RPN2: variants seen among roughly 807,000 people sequenced by gnomAD.
RPN2 encodes the protein dolichyl-diphosphooligosaccharide--protein glycosyltransferase subunit 2.
In RPN2, 29 loss-of-function variants were observed where a neutral mutation model predicts 71.4. That is an observed-to-expected ratio of 0.41 (90% CI 0.30 to 0.55). The LOEUF (loss-of-function observed/expected upper bound fraction) is 0.55. Ranked by LOEUF, RPN2 falls within the 20% of genes least tolerant of loss-of-function variation. The probability of loss-of-function intolerance (pLI) is 0.35; values close to 1 mark genes in which losing one functional copy is unlikely to be tolerated. For synonymous variants in RPN2, 308 were observed against 305.0 expected, an observed-to-expected ratio of 1.01 and a Z score of -0.10; for missense variants, 726 against 774.1, an observed-to-expected ratio of 0.94 and a Z score of 0.74.
chr20:37,183,154 A>G (rs532463127), intron 1 of RPN2, among the ~76,000 whole-genome samples: 4 of 152,316 alleles, frequency 2.6e-5, no homozygotes, highest in South Asian at 4.1e-4. Context: ...CAACAATAAT[A>G]ATAGTAGTAG....
intron 2 of RPN2, among the ~76,000 whole-genome samples, chr20:37,194,668 C>T (rs2067216315): frequency 6.6e-6 from 1 of 152,162 alleles, no homozygotes; most frequent in South Asian, 2.1e-4. Context: ...GTGTACAAAG[C>T]CTGGAGGCTT....
chr20:37,238,501 G>A, intron 16 of RPN2: 1 of 1,300,258 alleles, frequency 7.7e-7, no homozygotes, highest in Non-Finnish European at 1.1e-6. Context: ...TCCCCGTCTT[G>A]CCCGCCTCAT....
intron 4 of RPN2, 48 bp downstream of exon 4, chr20:37,199,273 C>G: frequency 1.2e-6 from 2 of 1,605,216 alleles, no homozygotes; most frequent in Non-Finnish European, 1.7e-6. Context: ...GTCTCGGGTC[C>G]TATCCGAAGA....
chr20:37,236,118 C>G (rs575829976), intron 15 of RPN2, among the ~76,000 whole-genome samples: 1 of 61,390 alleles, frequency 1.6e-5, no homozygotes, highest in Non-Finnish European at 3.8e-5. Flanking sequence ...TGTTTTGAGA[C>G]GAGGTATCAC....
intron 15 of RPN2, 68 bp downstream of exon 15, chr20:37,234,163 T>C (rs2068322235): frequency 6.7e-7 from 1 of 1,488,442 alleles, no homozygotes; most frequent in African/African-American, 1.4e-5. Flanking sequence ...GCAAAAGCCC[T>C]GTTAAGTAGA....
intron 9 of RPN2, among the ~76,000 whole-genome samples, chr20:37,219,621 A>G (rs924235419): frequency 2.0e-5 from 3 of 152,220 alleles, no homozygotes; most frequent in Non-Finnish European, 4.4e-5. Flanking sequence ...TTTAGGTGTC[A>G]TGTCTAAGAT....
At chr20:37,232,250 C>T (rs1217325693) in intron 13 of RPN2, 46 bp from the exon 14 acceptor site, 1 of 1,610,938 alleles carries the variant, frequency 6.2e-7, no homozygotes, top group African/African-American at 1.3e-5. Flanking sequence ...GCTGCCCCTA[C>T]TGGGAAGGGC....
chr20:37,182,601 G>A (rs1003643377), intron 1 of RPN2, among the ~76,000 whole-genome samples: 13 of 152,068 alleles, frequency 8.5e-5, no homozygotes, highest in African/African-American at 2.2e-4. Flanking sequence ...TCGCCATGTC[G>A]CCTGGTCTAG....
At chr20:37,192,774 G>A (rs1437207686) in intron 2 of RPN2, among the ~76,000 whole-genome samples, 4 of 152,168 alleles carry the variant, frequency 2.6e-5, no homozygotes, top group Admixed American at 2.0e-4. Flanking sequence ...TTTTATAGGG[G>A]TAGAATAGGG....
chr20:37,236,657 A>T lies in RPN2; in HGVS notation c.1831A>T (p.Ser611Cys). 6.2e-7 allele frequency: 1 copy of T among 1,614,146 alleles called. No individual in the cohort carries two copies. Among genetic ancestry groups the T allele is most frequent in the Non-Finnish European group, 8.5e-7 (1 of 1,179,958 alleles). ...CTTGAAGTACCTGGCCATCCTGGGC[A>T]GTGTGACGTTTCTGGCTGGCAATCG... ...QTLKYLAILG[S>C]VTFLAGNRML... The change falls in exon 16 of 17, where the codon AGT becomes TGT. Residue 611 changes from serine to cysteine, a missense_variant. Coordinates refer to ENST00000237530, the MANE Select transcript of RPN2 (RefSeq NM_002951.5).
At chr20:37,186,135 G>C (rs1244892330) in intron 2 of RPN2, among the ~76,000 whole-genome samples, 5 of 152,162 alleles carry the variant, frequency 3.3e-5, no homozygotes, top group Non-Finnish European at 7.3e-5. Flanking sequence ...TTCCTCTTCA[G>C]CCACCAGCCA....
At chr20:37,198,631 T>C in intron 3 of RPN2, 139 bp downstream of exon 3, 1 of 1,465,052 alleles carries the variant, frequency 6.8e-7, no homozygotes, top group Non-Finnish European at 9.0e-7. Flanking sequence ...TGTGATTTTT[T>C]TTTTCCTTAA....
At position 37,232,409 on chromosome 20, in the gene RPN2, G is replaced by A. The variant is rs2068276357; in HGVS notation, c.1677+18G>A. Reference sequence around the variant, plus strand: ...TCGCTCTGGTGAGTGGCTGTAATTAGCGTGGGCAGCATGCGTCTGGCGCCA... The same window carrying A: ...TCGCTCTGGTGAGTGGCTGTAATTAACGTGGGCAGCATGCGTCTGGCGCCA... On this transcript the variant is annotated intron_variant, in intron 14 of 16. Coordinates refer to ENST00000237530, the MANE Select transcript of RPN2 (RefSeq NM_002951.5). The A allele has an allele frequency of 1.2e-6, 2 of 1,613,948 alleles. No homozygotes were observed. The highest frequency in any genetic ancestry group is 1.1e-5 in the South Asian group (1 of 91,088).
chr20:37,226,997 G>T (rs907120247), intron 11 of RPN2, among the ~76,000 whole-genome samples: 2 of 152,380 alleles, frequency 1.3e-5, no homozygotes, highest in Admixed American at 6.5e-5. Flanking sequence ...GAGGCAACTG[G>T]ATTTACTTGA....
chr20:37,216,939 C>CTTTCT, intron 9 of RPN2, among the ~76,000 whole-genome samples: 1 of 149,002 alleles, frequency 6.7e-6, no homozygotes, highest in Non-Finnish European at 1.5e-5. Context: ...CTTTTTCTTT[C>CTTTCT]TTTTTTTTTG....
At chr20:37,236,824 GAC>G (rs879838475) in intron 16 of RPN2, 115 bp downstream of exon 16, 3 of 1,049,574 alleles carry the variant, frequency 2.9e-6, no homozygotes, top group Non-Finnish European at 4.4e-6. Context: ...GGGCAAGTCT[GAC>G]ACCCTAATCT....
In RPN2 at chr20:37,182,360, CT is replaced by C. The variant is rs575644888; in HGVS notation, c.14-1819del. 4.6e-5 allele frequency among the ~76,000 whole-genome samples: 7 copies of C among 152,192 alleles called. No individual in the cohort carries two copies. In the South Asian group the frequency reaches 1.5e-3, roughly 32 times the overall value. On this transcript the variant is annotated intron_variant, in intron 1 of 16. Transcript: ENST00000237530. ...CCGCCCACCTCGGCCTCCCAAAGTG[CT>C]GGGATTACAGGCGTGAGCTACTGTG...
In RPN2 at chr20:37,223,948, G is replaced by A. The variant is rs937317711; in HGVS notation, c.1163G>A (p.Ser388Asn). Reference protein sequence around the residue: ...VDLSTVDKDQSIAPKTTRVTY... With the variant: ...VDLSTVDKDQNIAPKTTRVTY... ...CTTTCCACCGTGGATAAGGATCAGA[G>A]CATTGCACCCAAAACTACCCGGTAG... Residue 388 changes from serine (S) to asparagine (N), a missense_variant, in exon 10 of 17, where the codon AGC becomes AAC. By Grantham distance (46) the Ser-to-Asn change is conservative. Transcript: ENST00000237530. 6.2e-7 allele frequency: 1 copy of A among 1,614,110 alleles called. No homozygotes were observed. Among genetic ancestry groups the A allele is most frequent in the African/African-American group, 1.3e-5 (1 of 75,042 alleles).
At chr20:37,179,447 GGCGGGAT>G in intron 1 of RPN2, 78 bp downstream of exon 1, 4 of 1,447,270 alleles carry the variant, frequency 2.8e-6, no homozygotes, top group Non-Finnish European at 3.7e-6. Flanking sequence ...GAGCCGGCCA[GGCGGGAT>G]CCCCTTCCCC....
Sources: gnomAD v4.1 joint callset for allele counts (sites outside exome capture counted in the v4.1 genomes callset) on GRCh38, gnomAD v4.1.1 for gene constraint, MANE v1.5 for transcripts, NCBI Gene and HGNC (gene_info 2026-07-23, HGNC 2026-07-21) for gene names.